TAFA5: variants seen among roughly 807,000 people sequenced by gnomAD.
The protein encoded by TAFA5 is TAFA chemokine like family member 5.
Under a neutral mutation model 15.3 loss-of-function variants are expected in TAFA5, and 6 were observed. That is an observed-to-expected ratio of 0.39 (90% CI 0.21 to 0.77). The LOEUF (loss-of-function observed/expected upper bound fraction) is 0.77. Among genes scored for constraint, TAFA5 ranks in the 30% least tolerant of loss-of-function variants. The probability of loss-of-function intolerance (pLI) is 0.41; values close to 1 mark genes in which losing one functional copy is unlikely to be tolerated. For missense variants in TAFA5, 161 were observed against 193.1 expected (o/e 0.83, Z 0.98); for synonymous variants, 103 against 80.7 (o/e 1.28, Z -1.48).
intron 1 of TAFA5, among the ~76,000 whole-genome samples, chr22:48,574,974 C>T (rs1306828636): frequency 2.0e-5 from 3 of 152,212 alleles, no homozygotes; most frequent in Admixed American, 1.3e-4. Context: ...GGGTGCAGGG[C>T]AGCTGGCTGG....
chr22:48,713,211 T>C (rs887250110), intron 3 of TAFA5, among the ~76,000 whole-genome samples: 1 of 152,230 alleles, frequency 6.6e-6, no homozygotes. Flanking sequence ...ATTCGGGAAC[T>C]CGTATTTCAT....
chr22:48,514,326 C>T (rs765472655), intron 1 of TAFA5, among the ~76,000 whole-genome samples: 2 of 152,134 alleles, frequency 1.3e-5, no homozygotes, highest in East Asian at 1.9e-4. Context: ...GAAGGCCAAC[C>T]GATTATTTTT....
At chr22:48,680,676 G>A (rs978942641) in intron 2 of TAFA5, among the ~76,000 whole-genome samples, 6 of 152,232 alleles carry the variant, frequency 3.9e-5, no homozygotes, top group African/African-American at 1.2e-4. Context: ...TGCATGCCAG[G>A]TCTCTAGGGC....
rs116092414 is a variant in TAFA5, at chr22:48,733,090, C to T, written c.391-16749C>T. 3.1e-3 allele frequency among the ~76,000 whole-genome samples: 476 copies of T among 152,266 alleles called. 1 individual carries two copies. Among genetic ancestry groups the T allele is most frequent in the African/African-American group, 0.011 (453 of 41,550 alleles). On this transcript the variant is annotated intron_variant, in intron 3 of 3. Transcript: ENST00000402357. ...CTTGATCGTGATATTTACTTTATTG[C>T]GGTGGTCTGGAACTGAACCCACCAT... is the stretch of plus-strand genomic sequence containing the variant.
intron 1 of TAFA5, among the ~76,000 whole-genome samples, chr22:48,642,326 G>A (rs1926712334): frequency 6.6e-6 from 1 of 152,140 alleles, no homozygotes. Context: ...CAGGGGTCCG[G>A]GTCTACCCTG....
chr22:48,604,457 C>A (rs1219824890), intron 1 of TAFA5, among the ~76,000 whole-genome samples: 10 of 152,210 alleles, frequency 6.6e-5, no homozygotes. Flanking sequence ...ATGGCTCCCG[C>A]CCAGCAGGGA....
chr22:48,652,271 CTG>C (rs541433631), intron 2 of TAFA5, among the ~76,000 whole-genome samples: 338 of 152,338 alleles, frequency 2.2e-3, no homozygotes, highest in African/African-American at 7.8e-3. Context: ...GATGCGGTGT[CTG>C]TGGCCGAGTC....
At chr22:48,683,855 A>G (rs956492478) in intron 2 of TAFA5, among the ~76,000 whole-genome samples, 3 of 151,980 alleles carry the variant, frequency 2.0e-5, no homozygotes, top group African/African-American at 4.8e-5. Flanking sequence ...TTCTCACGAG[A>G]TCTGATGGCT....
At chr22:48,585,804 G>A (rs989927372) in intron 1 of TAFA5, among the ~76,000 whole-genome samples, 4 of 151,516 alleles carry the variant, frequency 2.6e-5, no homozygotes, top group Admixed American at 6.6e-5. Flanking sequence ...TGAAGGCCAC[G>A]CACACACAAA....
intron 3 of TAFA5, among the ~76,000 whole-genome samples, chr22:48,739,542 C>CTGCA (rs1178611951): frequency 6.6e-6 from 1 of 152,178 alleles, no homozygotes; most frequent in East Asian, 1.9e-4. Flanking sequence ...CCGAGGACAC[C>CTGCA]TGCATGCAGG....
Position 48,698,093 on chromosome 22 carries a change from A to ATGG in TAFA5, c.263-9606_263-9604dup, listed in dbSNP as rs1242122487. 4.4e-4 allele frequency among the ~76,000 whole-genome samples: 59 copies of ATGG among 134,956 alleles called. No individual in the cohort carries two copies. In the South Asian group the frequency reaches 5.5e-3, roughly 13 times the overall value. The allele number at this position is 134,956 out of a possible 152,430, so 88.5% of individuals were successfully genotyped here. ...GATGGTGATGGTGATGGTGGTGATAATGGTGGTGGTGGTGGTGGTGATGAT... is the reference window on the plus strand; with the variant it reads ...GATGGTGATGGTGATGGTGGTGATAATGGTGGTGGTGGTGGTGGTGGTGATGAT... On this transcript the variant is annotated intron_variant, in intron 2 of 3. Transcript: ENST00000402357.
At position 48,750,062 on chromosome 22, in the gene TAFA5, G is replaced by A. The variant is rs1008911905; in HGVS notation, c.*215G>A. On this transcript the variant is annotated 3_prime_UTR_variant, in exon 4 of 4. Coordinates refer to ENST00000402357, the MANE Select transcript of TAFA5 (RefSeq NM_001082967.3). The stretch of plus-strand genomic sequence containing the variant: ...GGAGGCCGGACTCAGACACATAGGC[G>A]GGGGGCGGCACCTGGCATCAGCAAT... The A allele has an allele frequency of 2.0e-5, 12 of 595,416 alleles. 2 individuals are homozygous for A. The highest frequency in any genetic ancestry group is 1.2e-4 in the South Asian group (6 of 49,880). 36.9% of individuals were successfully genotyped at this position (595,416 alleles called of 1,614,324 possible). A position where few individuals can be genotyped will look rare whatever the true frequency, so the allele number is the denominator to read the frequency against.
chr22:48,493,245 G>C (rs192287716), intron 1 of TAFA5, among the ~76,000 whole-genome samples: 3 of 152,212 alleles, frequency 2.0e-5, no homozygotes, highest in Non-Finnish European at 4.4e-5. Context: ...ATATTTCAGC[G>C]TACCAGGGAG....
At chr22:48,607,975 C>G (rs1925256246) in intron 1 of TAFA5, among the ~76,000 whole-genome samples, 1 of 152,038 alleles carries the variant, frequency 6.6e-6, no homozygotes, top group African/African-American at 2.4e-5. Context: ...AGGTAGGAGG[C>G]CCCGGGCCCA....
intron 1 of TAFA5, among the ~76,000 whole-genome samples, chr22:48,553,366 C>T (rs1922922168): frequency 6.6e-6 from 1 of 152,192 alleles, no homozygotes; most frequent in Admixed American, 6.5e-5. Flanking sequence ...GGCTGCATGC[C>T]CAGTACCCTG....
chr22:48,598,353 C>G lies in TAFA5; in HGVS notation c.113-48244C>G, dbSNP rs1488122664. ...AAACCTGTGGGCACTGTGGCTCCGT[C>G]AAGTTGACACATGTTACCCATCACT... On this transcript the variant is annotated intron_variant, in intron 1 of 3. Transcript: ENST00000402357. This position sits in a 1 kb window ranked among gnomAD's most constrained non-coding sequence, Gnocchi z 4.0. Among the ~76,000 whole-genome samples the G allele has an allele frequency of 2.0e-5, 3 of 152,192 alleles. No homozygotes were observed. The highest frequency in any genetic ancestry group is 2.9e-5 in the Non-Finnish European group (2 of 68,038).
rs1402039482 is a variant in TAFA5 at position 48,639,882 on chromosome 22, C to CTGGA, written c.113-6715_113-6714insTGGA. On this transcript the variant is annotated intron_variant, in intron 1 of 3. Coordinates refer to ENST00000402357, the MANE Select transcript of TAFA5 (RefSeq NM_001082967.3). ...TCTGGGCAGGGCTCTGGGAATTTTG[C>CTGGA]CGGATGCTTTCTCCATTGCTCTCCC... is the stretch of plus-strand genomic sequence containing the variant. Among the ~76,000 whole-genome samples the CTGGA allele has an allele frequency of 7.2e-5, 11 of 152,258 alleles. No homozygotes were observed. The East Asian group carries it at 1.4e-3, about 19-fold the overall frequency.
At chr22:48,591,885 G>C (rs548824172) in intron 1 of TAFA5, among the ~76,000 whole-genome samples, 1 of 152,164 alleles carries the variant, frequency 6.6e-6, no homozygotes, top group South Asian at 2.1e-4. Context: ...CCAGCATCCC[G>C]GGCGCCTGGG....
At chr22:48,693,824 G>T (rs968655800) in intron 2 of TAFA5, among the ~76,000 whole-genome samples, 2 of 152,178 alleles carry the variant, frequency 1.3e-5, no homozygotes, top group Admixed American at 6.5e-5. Flanking sequence ...GGTGTGGTCA[G>T]CCATGGCCAC....
Sources: gnomAD v4.1 joint callset for allele counts (sites outside exome capture counted in the v4.1 genomes callset) on GRCh38, gnomAD v4.1.1 for gene constraint, Gnocchi (gnomAD v3.1) non-coding constraint, MANE v1.5 for transcripts, NCBI Gene and HGNC (gene_info 2026-07-23, HGNC 2026-07-21) for gene names.